The following PTPRD variants were observed in gnomAD, a reference collection of about 807,000 sequenced individuals.
PTPRD encodes receptor-type tyrosine-protein phosphatase delta.
A neutral mutation model predicts 214.5 loss-of-function variants in PTPRD; 34 were observed. That is an observed-to-expected ratio of 0.16 (90% CI 0.12 to 0.21). The LOEUF is 0.21. PTPRD is among the 10% of genes least tolerant of loss of function. The pLI is 1.00. For missense variants in PTPRD, 2,545 were observed against 2,398.7 expected (o/e 1.06, Z -1.27); for synonymous variants, 1,128 against 845.7 (o/e 1.33, Z -5.79).
intron 11 of PTPRD, among the ~76,000 whole-genome samples, chr9:8,953,562 C>T (rs1019340773): frequency 6.6e-6 from 1 of 151,970 alleles, no homozygotes; most frequent in Non-Finnish European, 1.5e-5. Flanking sequence ...AACAGACAAC[C>T]TACAGAGTGG....
intron 3 of PTPRD, among the ~76,000 whole-genome samples, chr9:10,290,594 A>G (rs1186733126): frequency 1.3e-5 from 2 of 152,140 alleles, no homozygotes; most frequent in Non-Finnish European, 1.5e-5. Flanking sequence ...TTAAGGAATT[A>G]TATTATTGAC....
At chr9:9,362,886 A>G (rs1287341859) in intron 9 of PTPRD, among the ~76,000 whole-genome samples, 1 of 151,318 alleles carries the variant, frequency 6.6e-6, no homozygotes, top group Non-Finnish European at 1.5e-5. Flanking sequence ...TAGAATAATT[A>G]AGTGTAAGAA....
chr9:10,264,921 TC>T (rs756216949), intron 3 of PTPRD, among the ~76,000 whole-genome samples: 39 of 152,136 alleles, frequency 2.6e-4, no homozygotes, highest in Non-Finnish European at 4.6e-4. Flanking sequence ...AGTGAATAAG[TC>T]TCATGAGATC....
intron 10 of PTPRD, among the ~76,000 whole-genome samples, chr9:9,049,397 A>T (rs1463893433): frequency 6.6e-6 from 1 of 152,166 alleles, no homozygotes; most frequent in Non-Finnish European, 1.5e-5. Context: ...GCTCAAGTTA[A>T]CCAACCTCTT....
chr9:9,402,407 G>A (rs901902681), intron 8 of PTPRD, among the ~76,000 whole-genome samples: 8 of 152,056 alleles, frequency 5.3e-5, no homozygotes, highest in Non-Finnish European at 1.0e-4. Flanking sequence ...CCACCCACAA[G>A]GACAAAGAAA....
chr9:10,151,160 A>C (rs377422141), intron 3 of PTPRD, among the ~76,000 whole-genome samples: 9 of 147,642 alleles, frequency 6.1e-5, no homozygotes, highest in African/African-American at 2.3e-4. Flanking sequence ...TCTGGAGTTC[A>C]AGCGATTCTC....
chr9:8,655,004 T>C (rs554357208), intron 12 of PTPRD, among the ~76,000 whole-genome samples: 10 of 152,272 alleles, frequency 6.6e-5, no homozygotes, highest in South Asian at 6.2e-4. Flanking sequence ...AAACGTAGGA[T>C]AATAGGAATT....
At chr9:8,384,925 C>T (rs1589209707) in intron 37 of PTPRD, among the ~76,000 whole-genome samples, 1 of 152,138 alleles carries the variant, frequency 6.6e-6, no homozygotes, top group South Asian at 2.1e-4. Flanking sequence ...ATACACCAGG[C>T]AAAGAGTCTT....
Position 9,384,808 on chromosome 9 carries a change from T to A in PTPRD, c.-203+12641A>T, listed in dbSNP as rs1366545055. ...CTATTTGTTTTCAGATTTTTAGTGA[T>A]ATTTCTATTTGGTGACTGTTGCAGA... On this transcript the variant is annotated intron_variant, in intron 9 of 45. Transcript: ENST00000381196. 2.0e-5 allele frequency among the ~76,000 whole-genome samples: 3 copies of A among 152,084 alleles called. 1 individual carries two copies. Among genetic ancestry groups the A allele is most frequent in the African/African-American group, 7.2e-5 (3 of 41,444 alleles).
At chr9:10,498,456 T>C (rs1027981873) in intron 2 of PTPRD, among the ~76,000 whole-genome samples, 1 of 151,934 alleles carries the variant, frequency 6.6e-6, no homozygotes, top group Non-Finnish European at 1.5e-5. Flanking sequence ...CAATTGGTTA[T>C]ACCACATTAA....
intron 5 of PTPRD, among the ~76,000 whole-genome samples, chr9:9,891,430 T>C (rs989008069): frequency 3.3e-5 from 5 of 152,036 alleles, no homozygotes; most frequent in South Asian, 2.1e-4. Context: ...GAGCAATTTG[T>C]CATTTAGCAT....
chr9:10,169,793 A>G (rs2099189075), intron 3 of PTPRD, among the ~76,000 whole-genome samples: 1 of 152,170 alleles, frequency 6.6e-6, no homozygotes, highest in African/African-American at 2.4e-5. Context: ...ATCATCTATA[A>G]TTCCCAGTTT....
chr9:8,980,597 A>G (rs1472955566), intron 11 of PTPRD, among the ~76,000 whole-genome samples: 1 of 152,144 alleles, frequency 6.6e-6, no homozygotes, highest in African/African-American at 2.4e-5. Flanking sequence ...GTTATCTCAG[A>G]AAATTCCCCA....
At chr9:10,455,146 C>A (rs929454146) in intron 2 of PTPRD, among the ~76,000 whole-genome samples, 1 of 151,732 alleles carries the variant, frequency 6.6e-6, no homozygotes, top group Non-Finnish European at 1.5e-5. Context: ...CAATGATCTT[C>A]TTGACACAAA....
intron 8 of PTPRD, among the ~76,000 whole-genome samples, chr9:9,531,508 T>C (rs2075453175): frequency 6.6e-6 from 1 of 152,178 alleles, no homozygotes; most frequent in African/African-American, 2.4e-5. Flanking sequence ...GGGGCAATGT[T>C]TGAAAGAATT....
intron 9 of PTPRD, among the ~76,000 whole-genome samples, chr9:9,229,450 T>A (rs1200005986): frequency 6.6e-6 from 1 of 152,124 alleles, no homozygotes; most frequent in African/African-American, 2.4e-5. Context: ...ATGAATAATC[T>A]GTAATCCTTC....
intron 22 of PTPRD, among the ~76,000 whole-genome samples, chr9:8,505,127 C>T (rs1260564952): frequency 6.6e-6 from 1 of 152,100 alleles, no homozygotes; most frequent in Admixed American, 6.5e-5. Flanking sequence ...TATACGATTT[C>T]GTTAATCAAA....
intron 38 of PTPRD, 94 bp downstream of exon 38, chr9:8,376,512 AT>A: frequency 6.4e-7 from 1 of 1,556,246 alleles, no homozygotes; most frequent in Non-Finnish European, 8.8e-7. Context: ...TGAGATCAAG[AT>A]TTAAGTAAAG....
At chr9:10,375,303 A>T (rs1267202512) in intron 2 of PTPRD, among the ~76,000 whole-genome samples, 2 of 151,974 alleles carry the variant, frequency 1.3e-5, no homozygotes, top group Admixed American at 1.3e-4. Context: ...TGCATGCAGA[A>T]CTGGATCTAT....
Sources: gnomAD v4.1 joint callset for allele counts (sites outside exome capture counted in the v4.1 genomes callset) on GRCh38, gnomAD v4.1.1 for gene constraint, MANE v1.5 for transcripts, NCBI Gene and HGNC (gene_info 2026-07-23, HGNC 2026-07-21) for gene names.